Variants in BTC observed in about 807,000 individuals in gnomAD.
The protein encoded by BTC is betacellulin.
In BTC, 13 loss-of-function variants were observed where a neutral mutation model predicts 18.1. The observed-to-expected ratio is 0.72, with a 90% confidence interval of 0.47 to 1.14. The LOEUF (loss-of-function observed/expected upper bound fraction) is 1.14, where lower values mean the gene tolerates loss of function less well. Among genes scored for constraint, BTC ranks in the 50% most tolerant of loss-of-function variants. The pLI is 0.00. For missense variants in BTC, 247 were observed against 224.2 expected (o/e 1.10, Z -0.65); for synonymous variants, 83 against 79.4 (o/e 1.05, Z -0.24).
chr4:74,763,624 G>T (rs532240069), intron 2 of BTC, among the ~76,000 whole-genome samples: 1 of 152,076 alleles, frequency 6.6e-6, no homozygotes, highest in African/African-American at 2.4e-5. Context: ...CCTCCTGAAT[G>T]GGAGAGAAAG....
chr4:74,771,379 A>G (rs912983894), intron 1 of BTC, among the ~76,000 whole-genome samples: 1 of 152,222 alleles, frequency 6.6e-6, no homozygotes, highest in Non-Finnish European at 1.5e-5. Context: ...AAATTTATAC[A>G]TCTAATGATT....
chr4:74,766,964 G>A (rs1442128541), intron 2 of BTC, among the ~76,000 whole-genome samples: 2 of 152,006 alleles, frequency 1.3e-5, no homozygotes, highest in Admixed American at 1.3e-4. Flanking sequence ...TAACTAACAT[G>A]GTACTTAATG....
chr4:74,758,805 G>T (rs1303221477), intron 2 of BTC, among the ~76,000 whole-genome samples: 1 of 152,150 alleles, frequency 6.6e-6, no homozygotes, highest in Non-Finnish European at 1.5e-5. Context: ...TGCCAAGTAA[G>T]CATGCTCTTA....
chr4:74,760,734 AT>A (rs72231277), intron 2 of BTC, among the ~76,000 whole-genome samples: 6,323 of 135,778 alleles, frequency 0.047, 280 homozygotes, highest in African/African-American at 0.14. Flanking sequence ...TTAGCATGTC[AT>A]TTTTTTTTTT....
chr4:74,788,714 C>A (rs546777999), intron 1 of BTC, among the ~76,000 whole-genome samples: 1 of 152,270 alleles, frequency 6.6e-6, no homozygotes, highest in South Asian at 2.1e-4. Flanking sequence ...AGCACCGTGC[C>A]ATGAGCAAAA....
chr4:74,781,367 T>C (rs1725322479), intron 1 of BTC, among the ~76,000 whole-genome samples: 1 of 150,094 alleles, frequency 6.7e-6, no homozygotes, highest in African/African-American at 2.5e-5. Flanking sequence ...ACAACCCCAA[T>C]TTCTATTCTC....
intron 3 of BTC, 87 bp from the exon 4 acceptor site, chr4:74,750,806 A>G: frequency 6.8e-7 from 1 of 1,469,352 alleles, no homozygotes; most frequent in African/African-American, 1.4e-5. Flanking sequence ...AACAGTTCTC[A>G]TTACTTGAAA....
At chr4:74,782,891 G>C (rs1034967327) in intron 1 of BTC, among the ~76,000 whole-genome samples, 2 of 152,042 alleles carry the variant, frequency 1.3e-5, no homozygotes, top group Non-Finnish European at 2.9e-5. Flanking sequence ...TTGGCCACGT[G>C]TATGTCTTTC....
chr4:74,763,551 T>TA (rs1724821089), intron 2 of BTC, among the ~76,000 whole-genome samples: 1 of 152,082 alleles, frequency 6.6e-6, no homozygotes, highest in Non-Finnish European at 1.5e-5. Context: ...TATTGTAAAA[T>TA]AATTTACAAT....
At position 74,755,890 on chromosome 4, in the gene BTC, A is replaced by C; in HGVS notation, c.250T>G (p.Phe84Val). Residue 84 changes from phenylalanine (F) to valine (V), a missense_variant, in exon 3 of 6, where the codon TTC (phenylalanine) becomes GTC (valine). Coordinates refer to ENST00000395743, the MANE Select transcript of BTC (RefSeq NM_001729.4). Reference protein sequence around the residue: ...KHYCIKGRCRFVVAEQTPSCV... With the variant: ...KHYCIKGRCRVVVAEQTPSCV... ...GAGGGCGTCTGCTCGGCCACCACGAAGCGGCATCTCCCTTTGATGCAGTAA... is the reference window on the plus strand; with the variant it reads ...GAGGGCGTCTGCTCGGCCACCACGACGCGGCATCTCCCTTTGATGCAGTAA... The C allele has an allele frequency of 6.2e-7, 1 of 1,614,140 alleles. No individual in the cohort carries two copies. Among genetic ancestry groups the C allele is most frequent in the South Asian group, 1.1e-5 (1 of 91,078 alleles).
intron 2 of BTC, among the ~76,000 whole-genome samples, chr4:74,761,014 G>A (rs568607046): frequency 1.3e-5 from 2 of 152,204 alleles, no homozygotes; most frequent in South Asian, 2.1e-4. Context: ...GATTACAGGC[G>A]TGAGCCAATG....
At chr4:74,785,575 C>T (rs536334443) in intron 1 of BTC, among the ~76,000 whole-genome samples, 44 of 152,252 alleles carry the variant, frequency 2.9e-4, no homozygotes, top group African/African-American at 2.6e-4. Flanking sequence ...TCTAAGCAGA[C>T]GAATAGCCAA....
At chr4:74,770,241 C>T in intron 1 of BTC, 85 bp from the exon 2 acceptor site, 1 of 1,079,620 alleles carries the variant, frequency 9.3e-7, no homozygotes, top group Non-Finnish European at 1.4e-6. Flanking sequence ...CCATTTCACC[C>T]ATTTATGAAA....
chr4:74,758,649 T>C (rs969776063), intron 2 of BTC, among the ~76,000 whole-genome samples: 23 of 152,264 alleles, frequency 1.5e-4, no homozygotes, highest in African/African-American at 5.3e-4. Flanking sequence ...ATAAACACCA[T>C]GCAGAGTGTG....
chr4:74,759,416 G>A (rs1279346665), intron 2 of BTC, among the ~76,000 whole-genome samples: 8 of 151,902 alleles, frequency 5.3e-5, no homozygotes, highest in African/African-American at 1.7e-4. Context: ...AACAAAATAT[G>A]CCCCTGTCCC....
chr4:74,747,062 A>G (rs1724311233), intron 5 of BTC, among the ~76,000 whole-genome samples: 1 of 152,204 alleles, frequency 6.6e-6, no homozygotes, highest in Non-Finnish European at 1.5e-5. Context: ...CTCTGGTTTG[A>G]CAAGTGTGAA....
intron 1 of BTC, among the ~76,000 whole-genome samples, chr4:74,773,364 C>T (rs557657637): frequency 1.3e-5 from 2 of 152,200 alleles, no homozygotes; most frequent in African/African-American, 4.8e-5. Flanking sequence ...TACTCAGGCC[C>T]TAACAGGTAT....
At chr4:74,764,735 C>T (rs1435481616) in intron 2 of BTC, among the ~76,000 whole-genome samples, 1 of 152,024 alleles carries the variant, frequency 6.6e-6, no homozygotes, top group African/African-American at 2.4e-5. Context: ...GAATGGGAAA[C>T]CAAATAGTGT....
chr4:74,793,832 T>A lies in BTC; in HGVS notation c.64+430A>T, dbSNP rs113400076. Among the ~76,000 whole-genome samples, 916 of 152,218 alleles carry A rather than the reference T, an allele frequency of 6.0e-3. 14 individuals are homozygous for A. Among genetic ancestry groups the A allele is most frequent in the African/African-American group, 0.021 (884 of 41,526 alleles). ...GCCTCCTGCAGGATATGCTTCTTGGTCTATACTACCACGTGAGCTTCTTTA... is the reference window on the plus strand; with the variant it reads ...GCCTCCTGCAGGATATGCTTCTTGGACTATACTACCACGTGAGCTTCTTTA... On this transcript the variant is annotated intron_variant, in intron 1 of 5. Coordinates refer to ENST00000395743, the MANE Select transcript of BTC (RefSeq NM_001729.4).
Sources: allele counts gnomAD v4.1 joint callset (sites outside exome capture counted in the v4.1 genomes callset), GRCh38; gene constraint gnomAD v4.1.1; transcripts MANE v1.5; gene names NCBI Gene and HGNC (gene_info 2026-07-23, HGNC 2026-07-21).